The following CSMD1 variants were observed in gnomAD, a reference collection of about 807,000 sequenced individuals.
The protein encoded by CSMD1 is CUB and sushi domain-containing protein 1.
Under a neutral mutation model 417.5 loss-of-function variants are expected in CSMD1, and 213 were observed. That is an observed-to-expected ratio of 0.51 (90% CI 0.46 to 0.57). The LOEUF (loss-of-function observed/expected upper bound fraction) is 0.57. CSMD1 is among the 20% of genes least tolerant of loss of function. CSMD1 has a pLI of 0.00. For missense variants in CSMD1, 6,923 were observed against 4,529.7 expected (o/e 1.53, Z -15.17); for synonymous variants, 2,862 against 1,736.8 (o/e 1.65, Z -16.11).
intron 2 of CSMD1, among the ~76,000 whole-genome samples, chr8:4,596,288 G>C (rs117228731): frequency 0.014 from 2,119 of 152,250 alleles, 18 homozygotes; most frequent in Middle Eastern, 0.061. Flanking sequence ...ACAAGGGAGA[G>C]ATGCTTAACC....
chr8:3,049,035 C>G (rs1214953492), intron 50 of CSMD1, among the ~76,000 whole-genome samples: 1 of 152,080 alleles, frequency 6.6e-6, no homozygotes, highest in Non-Finnish European at 1.5e-5. Context: ...TAATAAGATA[C>G]TACTGCACAT....
intron 1 of CSMD1, among the ~76,000 whole-genome samples, chr8:4,982,686 G>C (rs183979480): frequency 6.6e-6 from 1 of 152,194 alleles, no homozygotes; most frequent in African/African-American, 2.4e-5. Context: ...CTTTTTAAAA[G>C]ACCTATCATT....
At chr8:3,177,341 C>T (rs1034739228) in intron 37 of CSMD1, among the ~76,000 whole-genome samples, 1 of 152,162 alleles carries the variant, frequency 6.6e-6, no homozygotes, top group Non-Finnish European at 1.5e-5. Flanking sequence ...TCCCAGCCCC[C>T]AGTGCAGAGG....
intron 5 of CSMD1, among the ~76,000 whole-genome samples, chr8:3,905,443 G>C (rs948085830): frequency 2.0e-5 from 3 of 152,212 alleles, no homozygotes; most frequent in Admixed American, 6.5e-5. Context: ...ACTGTGCAAT[G>C]TAAGACCCCC....
intron 3 of CSMD1, among the ~76,000 whole-genome samples, chr8:4,136,601 G>A (rs967044799): frequency 6.6e-6 from 1 of 152,164 alleles, no homozygotes; most frequent in Non-Finnish European, 1.5e-5. Context: ...ATTCCAGCCA[G>A]CAAGAGAGGT....
chr8:4,789,760 AT>A (rs139046064), intron 1 of CSMD1, among the ~76,000 whole-genome samples: 21 of 152,258 alleles, frequency 1.4e-4, no homozygotes, highest in African/African-American at 4.6e-4. Flanking sequence ...CATGTAGTAA[AT>A]TTTTTAAGTT....
intron 3 of CSMD1, among the ~76,000 whole-genome samples, chr8:4,386,734 G>C (rs766011560): frequency 6.6e-6 from 1 of 152,194 alleles, no homozygotes; most frequent in Non-Finnish European, 1.5e-5. Context: ...TGGCAGAGAA[G>C]TGCTAATGAT....
chr8:3,579,263 T>C (rs1800282392), intron 9 of CSMD1, among the ~76,000 whole-genome samples: 1 of 152,086 alleles, frequency 6.6e-6, no homozygotes, highest in Admixed American at 6.5e-5. Flanking sequence ...GCATGCCATT[T>C]TGACATTTAT....
chr8:4,924,596 C>T (rs902109862), intron 1 of CSMD1, among the ~76,000 whole-genome samples: 3 of 151,852 alleles, frequency 2.0e-5, no homozygotes, highest in Non-Finnish European at 4.4e-5. Context: ...GTGGCCCGTG[C>T]CTGTAATCCC....
chr8:4,631,865 C>T (rs559334737), intron 2 of CSMD1, among the ~76,000 whole-genome samples: 1 of 152,122 alleles, frequency 6.6e-6, no homozygotes, highest in Non-Finnish European at 1.5e-5. Flanking sequence ...TTTCCCTAGG[C>T]CTTGTATTTT....
chr8:4,123,084 A>G (rs1802576595), intron 3 of CSMD1, among the ~76,000 whole-genome samples: 4 of 152,212 alleles, frequency 2.6e-5, no homozygotes, highest in Non-Finnish European at 5.9e-5. Flanking sequence ...TCATAATGCC[A>G]GTGAGATTGG....
At chr8:4,810,656 G>A (rs1043745734) in intron 1 of CSMD1, among the ~76,000 whole-genome samples, 2 of 150,922 alleles carry the variant, frequency 1.3e-5, no homozygotes, top group Middle Eastern at 3.4e-3. Context: ...GTATTACATA[G>A]AAAATTTCAT....
At chr8:4,322,252 A>T (rs1280229384) in intron 3 of CSMD1, among the ~76,000 whole-genome samples, 1 of 152,182 alleles carries the variant, frequency 6.6e-6, no homozygotes, top group Admixed American at 6.5e-5. Flanking sequence ...AACATACTGT[A>T]TTTAAAATAG....
chr8:4,556,123 C>A (rs185167940), intron 2 of CSMD1, among the ~76,000 whole-genome samples: 1 of 152,108 alleles, frequency 6.6e-6, no homozygotes, highest in African/African-American at 2.4e-5. Flanking sequence ...ATAACGCAGA[C>A]ATTAAGATTT....
At chr8:4,768,064 C>T (rs551651727) in intron 1 of CSMD1, among the ~76,000 whole-genome samples, 1 of 152,052 alleles carries the variant, frequency 6.6e-6, no homozygotes, top group Non-Finnish European at 1.5e-5. Flanking sequence ...TGTCTTCAGC[C>T]CCTTGCATAG....
intron 3 of CSMD1, among the ~76,000 whole-genome samples, chr8:4,107,993 G>A (rs1462172465): frequency 6.6e-6 from 1 of 152,012 alleles, no homozygotes; most frequent in East Asian, 1.9e-4. Context: ...TAGAGAAGTA[G>A]AAAGTAAGGG....
rs77499569 is a variant in CSMD1, at chr8:3,636,112, T to A, written c.1010-19315A>T. ...CTTTTTGAAGTTTTGTGTTAAGAACTAAGGCAGAAACACACACATTAGCCT... is the reference window on the plus strand; with the variant it reads ...CTTTTTGAAGTTTTGTGTTAAGAACAAAGGCAGAAACACACACATTAGCCT... On this transcript the variant is annotated intron_variant, in intron 7 of 69. Transcript: ENST00000635120. 8.7e-3 allele frequency among the ~76,000 whole-genome samples: 1,319 copies of A among 152,290 alleles called. 9 individuals are homozygous for A. Among genetic ancestry groups the A allele is most frequent in the Non-Finnish European group, 0.014 (945 of 68,026 alleles).
Position 4,965,714 on chromosome 8 carries a change from G to T in CSMD1, c.85+28618C>A, listed in dbSNP as rs542503867. Among the ~76,000 whole-genome samples, 12 of 152,216 alleles carry T rather than the reference G, an allele frequency of 7.9e-5. No individual in the cohort carries two copies. The South Asian group carries it at 1.9e-3, about 24-fold the overall frequency. On this transcript the variant is annotated intron_variant, in intron 1 of 69. Coordinates refer to ENST00000635120, the MANE Select transcript of CSMD1 (RefSeq NM_033225.6). Reference sequence around the variant, plus strand: ...GATGTTCAAATAAGATAATAAAATTGAATGCACATTTTAATTTTTAGAGTG... The same window carrying T: ...GATGTTCAAATAAGATAATAAAATTTAATGCACATTTTAATTTTTAGAGTG...
intron 3 of CSMD1, among the ~76,000 whole-genome samples, chr8:4,190,151 C>G (rs1287345306): frequency 6.7e-6 from 1 of 149,348 alleles, no homozygotes; most frequent in Non-Finnish European, 1.5e-5. Flanking sequence ...CCCAGCTACT[C>G]AGGAGGCTGA....
Sources: gnomAD v4.1 joint callset for allele counts (sites outside exome capture counted in the v4.1 genomes callset) on GRCh38, gnomAD v4.1.1 for gene constraint, MANE v1.5 for transcripts, NCBI Gene and HGNC (gene_info 2026-07-23, HGNC 2026-07-21) for gene names.